Variants in TRIML1 observed in about 807,000 individuals in gnomAD.
The protein encoded by TRIML1 is probable E3 ubiquitin-protein ligase TRIML1.
A neutral mutation model predicts 32.3 loss-of-function variants in TRIML1; 34 were observed. That is an observed-to-expected ratio of 1.05 (90% CI 0.80 to 1.40). The LOEUF (loss-of-function observed/expected upper bound fraction) is 1.40, where lower values mean the gene tolerates loss of function less well. Ranked by LOEUF, TRIML1 falls within the 40% of genes most tolerant of loss-of-function variation. The pLI is 0.00. For synonymous variants in TRIML1, 244 were observed against 226.6 expected, an observed-to-expected ratio of 1.08 and a Z score of -0.69; for missense variants, 595 against 574.9, an observed-to-expected ratio of 1.03 and a Z score of -0.36.
rs1735117717 is a variant in TRIML1, at chr4:188,147,169, G to A, written c.1204G>A (p.Glu402Lys). 6.2e-7 allele frequency: 1 copy of A among 1,614,066 alleles called. No individual in the cohort carries two copies. The highest frequency in any genetic ancestry group is 8.5e-7 in the Non-Finnish European group (1 of 1,180,010). Reference protein sequence around the residue: ...SSPLKGQHVREPVCKVGVFLD... With the variant: ...SSPLKGQHVRKPVCKVGVFLD... ...ACCTTTGAAAGGTCAGCACGTCAGA[G>A]AGCCTGTGTGTAAGGTTGGTGTCTT... The change falls in exon 6 of 6, where the codon GAG becomes AAG. Residue 402 changes from glutamate to lysine, a missense_variant. By Grantham distance (56) the Glu-to-Lys change is moderately conservative (BLOSUM62 1). Coordinates refer to ENST00000332517, the MANE Select transcript of TRIML1 (RefSeq NM_178556.5).
chr4:188,146,759 T>A (rs1247528597), intron 5 of TRIML1, 63 bp from the exon 6 acceptor site: 1 of 1,229,456 alleles, frequency 8.1e-7, no homozygotes, highest in African/African-American at 1.5e-5. Context: ...AATGGAAATC[T>A]CACATACCTA....
downstream of TRIML1, among the ~76,000 whole-genome samples, chr4:188,150,766 A>C (rs1176825069): frequency 6.0e-5 from 9 of 151,164 alleles, no homozygotes; most frequent in Non-Finnish European, 1.5e-5. Context: ...GCCACTGATG[A>C]GGTGTGTGGG....
At chr4:188,145,283 CA>C (rs907974064) in intron 5 of TRIML1, among the ~76,000 whole-genome samples, 5 of 148,296 alleles carry the variant, frequency 3.4e-5, no homozygotes, top group Admixed American at 1.3e-4. Context: ...GCTAAAAATA[CA>C]AAAAAAAATT....
Position 188,140,560 on chromosome 4 carries a change from T to G in TRIML1, c.441T>G (p.Arg147=). 1 of 1,614,024 alleles carries G rather than the reference T, an allele frequency of 6.2e-7. No individual in the cohort carries two copies. Among genetic ancestry groups the G allele is most frequent in the South Asian group, 1.1e-5 (1 of 91,084 alleles). ...TCCAGGAAATCCTGAATCTTTTGCG[T>G]GTAAGGAGAAAGGAAGCTCAGGCTG... ...EKLQEILNLL[R]VRRKEAQAVL... The change falls in exon 2 of 6, where the codon CGT becomes CGG. Residue 147 remains arginine, a synonymous_variant. Transcript: ENST00000332517.
At chr4:188,137,916 C>T (rs377142409), upstream of TRIML1, among the ~76,000 whole-genome samples, 9 of 131,576 alleles carry the variant, frequency 6.8e-5, no homozygotes, top group Admixed American at 2.5e-4. Flanking sequence ...CCTGGCCAAA[C>T]TTTTTTTCTT....
intron 5 of TRIML1, among the ~76,000 whole-genome samples, chr4:188,145,163 T>C (rs1289357598): frequency 1.3e-5 from 2 of 151,882 alleles, no homozygotes; most frequent in Non-Finnish European, 2.9e-5. Context: ...TGGGGCCGGG[T>C]GCGGTGGCTC....
intron 5 of TRIML1, among the ~76,000 whole-genome samples, chr4:188,144,462 A>G (rs7692944): frequency 2.8e-5 from 4 of 140,748 alleles, no homozygotes; most frequent in Non-Finnish European, 4.6e-5. Flanking sequence ...TCCCGGGTTC[A>G]CGCCATTCTC....
At chr4:188,150,131 A>G (rs190981411), downstream of TRIML1, among the ~76,000 whole-genome samples, 18 of 148,428 alleles carry the variant, frequency 1.2e-4, no homozygotes, top group East Asian at 3.3e-3. Context: ...AAAAATTATT[A>G]TTATTATTTT....
chr4:188,150,280 C>A (rs1404299337), downstream of TRIML1, among the ~76,000 whole-genome samples: 4 of 151,894 alleles, frequency 2.6e-5, no homozygotes, highest in African/African-American at 9.7e-5. Flanking sequence ...AGGCATGCAC[C>A]ACCACACCCA....
downstream of TRIML1, among the ~76,000 whole-genome samples, chr4:188,150,548 AG>A (rs1358410088): frequency 2.6e-5 from 4 of 152,192 alleles, no homozygotes; most frequent in African/African-American, 9.7e-5. Flanking sequence ...CAAAAATCCC[AG>A]TTTTGTGGAG....
Position 188,142,280 on chromosome 4 carries a change from T to C in TRIML1, c.533T>C (p.Val178Ala). 2 of 1,612,154 alleles carry C rather than the reference T, an allele frequency of 1.2e-6. No individual in the cohort carries two copies. Among genetic ancestry groups the C allele is most frequent in the African/African-American group, 1.3e-5 (1 of 74,320 alleles). The part of the protein sequence containing the change: ...QEETKTCKQV[V>A]VSEYMKMHQF... ...GAAACAAAGACTTGTAAACAGGTTG[T>C]TGTGTCAGAATACATGAAAATGCAC... Residue 178 changes from valine (V) to alanine (A), a missense_variant, in exon 3 of 6, where the codon GTT becomes GCT. Physicochemically the swap from Val to Ala is moderately conservative, Grantham distance 64. Transcript: ENST00000332517.
At chr4:188,149,270 C>T (rs1421207079), downstream of TRIML1, among the ~76,000 whole-genome samples, 1 of 151,950 alleles carries the variant, frequency 6.6e-6, no homozygotes, top group East Asian at 1.9e-4. Context: ...CAGAATGTCC[C>T]CGGTCACAGA....
At chr4:188,146,079 A>C (rs1469839423) in intron 5 of TRIML1, among the ~76,000 whole-genome samples, 1 of 152,238 alleles carries the variant, frequency 6.6e-6, no homozygotes, top group Non-Finnish European at 1.5e-5. Context: ...GCAGTGATTA[A>C]ATGAGATAAT....
chr4:188,150,101 G>C (rs1049520257), downstream of TRIML1, among the ~76,000 whole-genome samples: 1 of 151,756 alleles, frequency 6.6e-6, no homozygotes, highest in African/African-American at 2.4e-5. Context: ...ACCGCGCCCG[G>C]CCTTATTTTA....
In TRIML1 at chr4:188,147,324, G is replaced by C; in HGVS notation, c.1359G>C (p.Gly453=). ...TTTCCCCCTGCCTCCCAAATGAGGG[G>C]ACAAACACAGACCCTCTCACCATCT... The part of the protein sequence containing the change: ...PIFSPCLPNE[G]TNTDPLTICS... Residue 453 remains glycine (G), a synonymous_variant, in exon 6 of 6, where the codon GGG becomes GGC. Transcript: ENST00000332517. 6.5e-7 allele frequency: 1 copy of C among 1,529,632 alleles called. No homozygotes were observed. Among genetic ancestry groups the C allele is most frequent in the South Asian group, 1.3e-5 (1 of 75,972 alleles). 94.8% of individuals were successfully genotyped at this position (1,529,632 alleles called of 1,614,324 possible).
rs377585886 is a variant in TRIML1 at position 188,147,264 on chromosome 4, G to T, written c.1299G>T (p.Pro433=). Residue 433 remains proline, a synonymous_variant, in exon 6 of 6, where the codon CCG becomes CCT. Coordinates refer to ENST00000332517, the MANE Select transcript of TRIML1 (RefSeq NM_178556.5). ...GTDESLIYSF[P]QASFQEALRP... The stretch of plus-strand genomic sequence containing the variant: ...ATGAATCCCTCATCTACAGCTTCCC[G>T]CAGGCTTCTTTCCAAGAGGCCCTCA... The T allele has an allele frequency of 1.9e-6, 3 of 1,585,922 alleles. No individual in the cohort carries two copies. Among genetic ancestry groups the T allele is most frequent in the Non-Finnish European group, 2.6e-6 (3 of 1,165,894 alleles).
chr4:188,142,144 A>T (rs916584216), intron 2 of TRIML1, 108 bp from the exon 3 acceptor site: 4 of 727,464 alleles, frequency 5.5e-6, no homozygotes, highest in Admixed American at 3.5e-5. Flanking sequence ...AAAGAAAGAA[A>T]CTCTAGGACT....
At chr4:188,141,722 T>C (rs1324339713) in intron 2 of TRIML1, among the ~76,000 whole-genome samples, 3 of 152,110 alleles carry the variant, frequency 2.0e-5, no homozygotes, top group Non-Finnish European at 4.4e-5. Context: ...CTATTGTATC[T>C]ATAGCGCACA....
At chr4:188,143,665 G>T in intron 3 of TRIML1, 173 bp from the exon 4 acceptor site, 1 of 748,052 alleles carries the variant, frequency 1.3e-6, no homozygotes, top group Admixed American at 2.1e-5. Context: ...GTTCACCACA[G>T]CACATCCCTG....
Sources: gnomAD v4.1 joint callset for allele counts (sites outside exome capture counted in the v4.1 genomes callset) on GRCh38, gnomAD v4.1.1 for gene constraint, MANE v1.5 for transcripts, NCBI Gene and HGNC (gene_info 2026-07-23, HGNC 2026-07-21) for gene names.